MICAL2: variants seen among roughly 807,000 people sequenced by gnomAD.
MICAL2 encodes the protein microtubule associated monooxygenase, calponin and LIM domain containing 2, also known as [F-actin]-monooxygenase MICAL2.
Under a neutral mutation model 127.3 loss-of-function variants are expected in MICAL2, and 77 were observed. The ratio of observed to expected loss-of-function variants is 0.60; its 90% CI spans 0.50 to 0.73. MICAL2 has a LOEUF of 0.73. MICAL2 is among the 30% of genes least tolerant of loss of function. The probability of loss-of-function intolerance (pLI) is 0.00; values close to 1 mark genes in which losing one functional copy is unlikely to be tolerated. For synonymous variants in MICAL2, 570 were observed against 551.1 expected (o/e 1.03, Z -0.48); for missense variants, 1,351 against 1,434.4 (o/e 0.94, Z 0.94).
chr11:12,354,676 G>A, intron 33 of MICAL2: 1 of 829,594 alleles, frequency 1.2e-6, no homozygotes, highest in Non-Finnish European at 1.9e-6. Flanking sequence ...TAAAACTCCA[G>A]TCTTAATTAG....
intron 34 of MICAL2, among the ~76,000 whole-genome samples, chr11:12,356,045 C>T (rs2134911251): frequency 6.6e-6 from 1 of 152,180 alleles, no homozygotes; most frequent in Non-Finnish European, 1.5e-5. Context: ...TAACTGATAT[C>T]TGATTTATAT....
intron 32 of MICAL2, among the ~76,000 whole-genome samples, chr11:12,349,109 T>A (rs1303207515): frequency 6.6e-6 from 1 of 152,202 alleles, no homozygotes; most frequent in Non-Finnish European, 1.5e-5. Flanking sequence ...GTGTTCTCCT[T>A]TCAGGGTGAA....
chr11:12,211,274 G>A (rs1326076615), intron 6 of MICAL2, among the ~76,000 whole-genome samples: 1 of 152,116 alleles, frequency 6.6e-6, no homozygotes, highest in Admixed American at 6.5e-5. Context: ...CCAGCTACTC[G>A]GGAGGCTGAG....
intron 31 of MICAL2, among the ~76,000 whole-genome samples, chr11:12,324,683 G>A (rs1418579132): frequency 6.6e-6 from 1 of 152,166 alleles, no homozygotes; most frequent in East Asian, 1.9e-4. Context: ...AGGATACACG[G>A]ACTTAGAATG....
intron 16 of MICAL2, among the ~76,000 whole-genome samples, chr11:12,237,290 C>T (rs1191022267): frequency 6.6e-6 from 1 of 152,230 alleles, no homozygotes; most frequent in Non-Finnish European, 1.5e-5. Context: ...GAACATTTTC[C>T]TAGAGCTTCT....
chr11:12,260,211 G>A, intron 26 of MICAL2: 1 of 1,463,550 alleles, frequency 6.8e-7, no homozygotes, highest in Non-Finnish European at 9.0e-7. Context: ...CATTTCCAGG[G>A]AGGCTTCAGA....
chr11:12,282,442 C>T (rs1863782871), intron 2 of MICAL2, among the ~76,000 whole-genome samples: 1 of 152,106 alleles, frequency 6.6e-6, no homozygotes, highest in African/African-American at 2.4e-5. Context: ...ATTTCCCCTC[C>T]AATTGCCAGA....
chr11:12,192,660 C>G (rs571465541), intron 3 of MICAL2, among the ~76,000 whole-genome samples: 1 of 152,234 alleles, frequency 6.6e-6, no homozygotes, highest in African/African-American at 2.4e-5. Context: ...TACCTGTAAT[C>G]CCAGCTACTT....
At chr11:12,219,033 T>C (rs1191095647) in intron 8 of MICAL2, among the ~76,000 whole-genome samples, 1 of 152,214 alleles carries the variant, frequency 6.6e-6, no homozygotes, top group African/African-American at 2.4e-5. Context: ...TAGGTTTTGA[T>C]ATTCCCTTTT....
At chr11:12,346,355 A>T (rs1484522866) in intron 32 of MICAL2, among the ~76,000 whole-genome samples, 1 of 152,242 alleles carries the variant, frequency 6.6e-6, no homozygotes, top group Non-Finnish European at 1.5e-5. Flanking sequence ...ATCCCACTGC[A>T]GCTGCATGGC....
intron 32 of MICAL2, among the ~76,000 whole-genome samples, chr11:12,330,860 GT>G (rs1565307331): frequency 1.6e-4 from 14 of 87,612 alleles, no homozygotes; most frequent in South Asian, 3.4e-4. Flanking sequence ...AGAGAGAGGG[GT>G]AGAGAGAGAG....
At chr11:12,199,053 T>C (rs1404315018) in intron 3 of MICAL2, among the ~76,000 whole-genome samples, 1 of 152,158 alleles carries the variant, frequency 6.6e-6, no homozygotes, top group Non-Finnish European at 1.5e-5. Context: ...GGTAAGAGCA[T>C]AGACTTTAGA....
downstream of MICAL2, chr11:12,292,238 C>G (rs749929991): frequency 6.8e-6 from 11 of 1,614,012 alleles, no homozygotes; most frequent in Admixed American, 1.8e-4. Context: ...ATCTTCCCCA[C>G]CATCTTCTTC....
intron 5 of MICAL2, 36 bp downstream of exon 5, chr11:12,208,175 G>C: frequency 6.7e-7 from 1 of 1,494,194 alleles, no homozygotes; most frequent in African/African-American, 1.4e-5. Context: ...CTAGAAAGCA[G>C]ATACTACAAA....
chr11:12,183,166 CTT>C (rs11409042), intron 3 of MICAL2, among the ~76,000 whole-genome samples: 224 of 146,850 alleles, frequency 1.5e-3, no homozygotes, highest in African/African-American at 5.2e-3. Flanking sequence ...ATCCTGACTC[CTT>C]TTTTTTTTTC....
chr11:12,262,265 A>C, intron 26 of MICAL2: 1 of 1,418,150 alleles, frequency 7.1e-7, no homozygotes, highest in Non-Finnish European at 9.2e-7. Context: ...AACTGTGTGC[A>C]TCCACTCTCG....
chr11:12,221,629 C>T lies in MICAL2; in HGVS notation c.1207-15C>T, dbSNP rs543356461. ...CATCAGAATCAACTGGAATTTTGCA[C>T]GTTTTCTTTTGCAGCCATTTTGGCC... On this transcript the variant is annotated splice_polypyrimidine_tract_variant and intron_variant, in intron 9 of 27. Transcript: ENST00000683283. 6.3e-5 allele frequency: 100 copies of T among 1,586,950 alleles called. 1 individual carries two copies. Among genetic ancestry groups the T allele is most frequent in the Admixed American group, 4.7e-4 (28 of 58,970 alleles).
rs556313140 is a variant in MICAL2 at position 12,338,535 on chromosome 11, G to T, written c.5515+11269G>T. On this transcript the variant is annotated intron_variant, in intron 32 of 34. Coordinates refer to the MICAL2 transcript ENST00000646065. Reference sequence around the variant, plus strand: ...GTTATTTTGCTCGTTAGTTGATGCGGTTTCTTCCTAGCCTTGATGGTCTTT... The same window carrying T: ...GTTATTTTGCTCGTTAGTTGATGCGTTTTCTTCCTAGCCTTGATGGTCTTT... 3.6e-3 allele frequency among the ~76,000 whole-genome samples: 550 copies of T among 152,314 alleles called. 4 individuals carry two copies. Among genetic ancestry groups the T allele is most frequent in the Admixed American group, 6.7e-3 (102 of 15,296 alleles).
At chr11:12,218,149 C>T (rs1026068565) in intron 8 of MICAL2, among the ~76,000 whole-genome samples, 30 of 152,194 alleles carry the variant, frequency 2.0e-4, no homozygotes, top group Admixed American at 9.2e-4. Context: ...GGCTTCTTTC[C>T]ATGGCTACCG....
Sources: allele counts gnomAD v4.1 joint callset (sites outside exome capture counted in the v4.1 genomes callset), GRCh38; gene constraint gnomAD v4.1.1; transcripts MANE v1.5; gene names NCBI Gene and HGNC (gene_info 2026-07-23, HGNC 2026-07-21).